Variants in MLKL observed in about 807,000 individuals in gnomAD.
The protein encoded by MLKL is mixed lineage kinase domain like pseudokinase.
MLKL carries 55 observed loss-of-function variants against 56.5 expected under a neutral mutation model. That is an observed-to-expected ratio of 0.97 (90% confidence interval 0.78 to 1.22). The LOEUF is 1.22. Among genes scored for constraint, MLKL ranks in the 50% most tolerant of loss-of-function variants. The probability of loss-of-function intolerance (pLI) is 0.00; values close to 1 mark genes in which losing one functional copy is unlikely to be tolerated. For missense variants in MLKL, 694 were observed against 573.9 expected (o/e 1.21, Z -2.14); for synonymous variants, 251 against 208.3 (o/e 1.20, Z -1.76).
chr16:74,679,055 G>T, intron 6 of MLKL, 75 bp from the exon 7 acceptor site: 2 of 1,169,122 alleles, frequency 1.7e-6, no homozygotes, highest in Non-Finnish European at 1.3e-6. Flanking sequence ...TCATAACTGG[G>T]CTGATGAGGC....
At chr16:74,674,045 T>G (rs898483033) in intron 10 of MLKL, among the ~76,000 whole-genome samples, 2 of 151,880 alleles carry the variant, frequency 1.3e-5, no homozygotes, top group Non-Finnish European at 2.9e-5. Context: ...TCCAACCCAC[T>G]TTGGATAAAA....
intron 3 of MLKL, 77 bp downstream of exon 3, chr16:74,692,265 G>T: frequency 7.7e-7 from 1 of 1,292,698 alleles, no homozygotes; most frequent in Non-Finnish European, 1.1e-6. Flanking sequence ...CAGGGGTAGC[G>T]GGAGGCTGGG....
At position 74,691,474 on chromosome 16, in the gene MLKL, C is replaced by A; in HGVS notation, c.536-11G>T. 2 of 1,604,922 alleles carry A rather than the reference C, an allele frequency of 1.2e-6. No homozygotes were observed. The highest frequency in any genetic ancestry group is 4.5e-5 in the East Asian group (2 of 44,820). On this transcript the variant is annotated splice_polypyrimidine_tract_variant and intron_variant, in intron 3 of 10. Transcript: ENST00000308807. ...ATTTTGGTGGTAAATCTGACCTCAC[C>A]CCCGAGAGGAAAGAAGACAAAAGAG... is the stretch of plus-strand genomic sequence containing the variant.
intron 1 of MLKL, among the ~76,000 whole-genome samples, chr16:74,698,673 C>G (rs2144575767): frequency 6.6e-6 from 1 of 152,328 alleles, no homozygotes; most frequent in East Asian, 1.9e-4. Flanking sequence ...AGCTTCCTAG[C>G]TCTAAGCTCC....
At chr16:74,685,856 T>A (rs1224197360) in intron 4 of MLKL, among the ~76,000 whole-genome samples, 1 of 152,222 alleles carries the variant, frequency 6.6e-6, no homozygotes, top group African/African-American at 2.4e-5. Flanking sequence ...TGTATTTTTA[T>A]GACCTACAGG....
chr16:74,678,677 G>A (rs1959755677), intron 7 of MLKL, among the ~76,000 whole-genome samples: 1 of 152,180 alleles, frequency 6.6e-6, no homozygotes, highest in South Asian at 2.1e-4. Flanking sequence ...CAGCTACTTG[G>A]GAGGCTGAGG....
chr16:74,692,467 G>T, intron 2 of MLKL, 51 bp from the exon 3 acceptor site: 1 of 1,457,452 alleles, frequency 6.9e-7, no homozygotes, highest in Non-Finnish European at 9.5e-7. Context: ...AAAATCACAC[G>T]CCAATCAAAA....
At chr16:74,692,513 T>C (rs920285733) in intron 2 of MLKL, 97 bp from the exon 3 acceptor site, 54 of 944,684 alleles carry the variant, frequency 5.7e-5, no homozygotes, top group Admixed American at 1.7e-4. Context: ...GATATCATTT[T>C]TTACCTATCA....
intron 5 of MLKL, among the ~76,000 whole-genome samples, chr16:74,684,094 C>T (rs905157365): frequency 1.3e-5 from 2 of 150,994 alleles, no homozygotes; most frequent in Non-Finnish European, 3.0e-5. Flanking sequence ...ACTACAGGCA[C>T]CCACCACCAC....
At chr16:74,696,390 T>C (rs1279125743) in intron 1 of MLKL, among the ~76,000 whole-genome samples, 3 of 152,132 alleles carry the variant, frequency 2.0e-5, no homozygotes, top group Non-Finnish European at 4.4e-5. Context: ...AGGTAGTCTT[T>C]ACTGCCACAG....
intron 1 of MLKL, among the ~76,000 whole-genome samples, chr16:74,699,000 C>G (rs1228961208): frequency 6.6e-6 from 1 of 152,018 alleles, no homozygotes; most frequent in Non-Finnish European, 1.5e-5. Context: ...GTAATCCCAG[C>G]TACTCGGGAG....
At position 74,685,553 on chromosome 16, in the gene MLKL, G is replaced by A. The variant is rs972047824; in HGVS notation, c.753C>T (p.Ile251=). Reference sequence around the variant, plus strand: ...GAGATTCGAATTTCTTCATGGTTTTGATCTCCTTATTGAAAGTCTGCCTCA... The same window carrying A: ...GAGATTCGAATTTCTTCATGGTTTTAATCTCCTTATTGAAAGTCTGCCTCA... ...AIVRQTFNKE[I]KTMKKFESPN... Residue 251 remains isoleucine (I), a synonymous_variant, in exon 5 of 11, where the codon ATC becomes ATT. Transcript: ENST00000308807. 6.2e-7 allele frequency: 1 copy of A among 1,613,964 alleles called. No individual in the cohort carries two copies. The highest frequency in any genetic ancestry group is 8.5e-7 in the Non-Finnish European group (1 of 1,179,870).
chr16:74,699,371 T>A (rs893823780), intron 1 of MLKL, among the ~76,000 whole-genome samples: 1 of 151,938 alleles, frequency 6.6e-6, no homozygotes, highest in Non-Finnish European at 1.5e-5. Context: ...TTTTAAAAAA[T>A]AAAGAAAAGG....
Position 74,695,387 on chromosome 16 carries a change from A to G in MLKL, c.371T>C (p.Val124Ala). ...LLLQVEQRMP[V>A]SPISQGASWA... ...GGACGCTCCTTGGCTTATGGGTGAAACAGGCATGCGTTGCTCAACCTGAAG... is the reference window on the plus strand; with the variant it reads ...GGACGCTCCTTGGCTTATGGGTGAAGCAGGCATGCGTTGCTCAACCTGAAG... The change falls in exon 2 of 11, where the codon GTT becomes GCT. Residue 124 changes from valine (V) to alanine (A), a missense_variant. Transcript: ENST00000308807. 6.2e-7 allele frequency: 1 copy of G among 1,614,120 alleles called. No homozygotes were observed. The highest frequency in any genetic ancestry group is 8.5e-7 in the Non-Finnish European group (1 of 1,180,032).
chr16:74,694,246 G>T (rs1055034870), intron 2 of MLKL, among the ~76,000 whole-genome samples: 2 of 152,242 alleles, frequency 1.3e-5, no homozygotes, highest in South Asian at 4.1e-4. Flanking sequence ...TTTGATAAAG[G>T]TTGCACAAAT....
At chr16:74,693,132 A>T (rs758842213) in intron 2 of MLKL, among the ~76,000 whole-genome samples, 1 of 152,156 alleles carries the variant, frequency 6.6e-6, no homozygotes, top group Non-Finnish European at 1.5e-5. Context: ...TTACCTAGCA[A>T]TTCCACTTCT....
intron 6 of MLKL, among the ~76,000 whole-genome samples, chr16:74,680,506 T>C (rs1255027275): frequency 2.6e-5 from 4 of 152,160 alleles, no homozygotes; most frequent in Non-Finnish European, 4.4e-5. Flanking sequence ...TTTTTGTTTT[T>C]TGTTTTTTGT....
At chr16:74,681,325 C>T (rs1234303336) in intron 6 of MLKL, among the ~76,000 whole-genome samples, 1 of 152,096 alleles carries the variant, frequency 6.6e-6, no homozygotes, top group Non-Finnish European at 1.5e-5. Context: ...TGGGCCAGGC[C>T]TTTATTCCGA....
rs756449636 is a variant in MLKL at position 74,672,504 on chromosome 16, C to T, written c.1416G>A (p.Ter472=). 6 of 1,613,670 alleles carry T rather than the reference C, an allele frequency of 3.7e-6. No individual in the cohort carries two copies. The highest frequency in any genetic ancestry group is 5.1e-6 in the Non-Finnish European group (6 of 1,179,610). ...ACTCCTTGGTTTAGATTTTGATACA[C>T]TACTTAGAAAAGGTGGAGAGTTTCT... ...ILKKLSTFSK[*] The change falls in exon 11 of 11, where the codon TAG becomes TAA. Residue 472 remains the stop codon, a stop_retained_variant. Coordinates refer to ENST00000308807, the MANE Select transcript of MLKL (RefSeq NM_152649.4).
Sources: gnomAD v4.1 joint callset for allele counts (sites outside exome capture counted in the v4.1 genomes callset) on GRCh38, gnomAD v4.1.1 for gene constraint, MANE v1.5 for transcripts, NCBI Gene and HGNC (gene_info 2026-07-23, HGNC 2026-07-21) for gene names.